The following GUCY1A2 variants were observed in gnomAD, a reference collection of about 807,000 sequenced individuals.
The protein encoded by GUCY1A2 is guanylate cyclase soluble subunit alpha-2.
A neutral mutation model predicts 63.5 loss-of-function variants in GUCY1A2; 27 were observed. The observed-to-expected ratio is 0.43, with a 90% CI of 0.31 to 0.59. GUCY1A2 has a LOEUF of 0.59. Ranked by LOEUF, GUCY1A2 falls within the 20% of genes least tolerant of loss-of-function variation. The probability of loss-of-function intolerance (pLI) is 0.11; values close to 1 mark genes in which losing one functional copy is unlikely to be tolerated. For synonymous variants in GUCY1A2, 364 were observed against 343.5 expected, an observed-to-expected ratio of 1.06 and a Z score of -0.66; for missense variants, 768 against 913.3, an observed-to-expected ratio of 0.84 and a Z score of 2.05.
intron 4 of GUCY1A2, among the ~76,000 whole-genome samples, chr11:106,818,925 A>G (rs1858865935): frequency 6.6e-6 from 1 of 152,150 alleles, no homozygotes; most frequent in South Asian, 2.1e-4. Context: ...GAGGTGAGGA[A>G]GCTGCAGAAG....
intron 4 of GUCY1A2, among the ~76,000 whole-genome samples, chr11:106,892,711 T>C (rs1859991290): frequency 6.6e-6 from 1 of 152,192 alleles, no homozygotes; most frequent in Admixed American, 6.5e-5. Context: ...TATTTCCTCC[T>C]TGTAGTAAAG....
At chr11:106,994,071 C>A (rs1475180031) in intron 1 of GUCY1A2, among the ~76,000 whole-genome samples, 1 of 152,138 alleles carries the variant, frequency 6.6e-6, no homozygotes, top group Non-Finnish European at 1.5e-5. Context: ...CTTGTGAACA[C>A]AGGTATATAT....
chr11:106,888,302 CAA>C (rs35343582), intron 4 of GUCY1A2, among the ~76,000 whole-genome samples: 3,562 of 137,898 alleles, frequency 0.026, 139 homozygotes, highest in African/African-American at 0.087. Context: ...ACTAAAAATA[CAA>C]AAAAAAAAAA....
At position 106,937,997 on chromosome 11, in the gene GUCY1A2, G is replaced by A. The variant is rs893963495; in HGVS notation, c.1206+1463C>T. On this transcript the variant is annotated intron_variant, in intron 4 of 7. Coordinates refer to ENST00000526355, the MANE Select transcript of GUCY1A2 (RefSeq NM_000855.3). ...TTGTCACCCAGGCTGGAGTGCAGTG[G>A]CATGATCTCAGCTCACTGCAGCCTC... 5.3e-5 allele frequency among the ~76,000 whole-genome samples: 8 copies of A among 152,214 alleles called. No homozygotes were observed. The East Asian group carries it at 1.5e-3, about 29-fold the overall frequency.
chr11:106,906,405 A>T (rs1461316406), intron 4 of GUCY1A2, among the ~76,000 whole-genome samples: 1 of 152,196 alleles, frequency 6.6e-6, no homozygotes, highest in Non-Finnish European at 1.5e-5. Flanking sequence ...ATCTCACACC[A>T]GTTAGAATGG....
intron 1 of GUCY1A2, among the ~76,000 whole-genome samples, chr11:107,006,829 A>ATT (rs1861677681): frequency 1.3e-5 from 2 of 152,222 alleles, no homozygotes; most frequent in Non-Finnish European, 2.9e-5. Context: ...ATTATGAAGG[A>ATT]CTGACTAACA....
At chr11:106,997,541 A>G (rs1861555166) in intron 1 of GUCY1A2, among the ~76,000 whole-genome samples, 1 of 152,120 alleles carries the variant, frequency 6.6e-6, no homozygotes, top group Admixed American at 6.6e-5. Context: ...TAAGAGGTAC[A>G]AGGCCCACAA....
intron 5 of GUCY1A2, among the ~76,000 whole-genome samples, chr11:106,804,771 G>T (rs530732330): frequency 1.3e-5 from 2 of 152,300 alleles, no homozygotes; most frequent in East Asian, 3.9e-4. Context: ...GACTTGTCCT[G>T]TGCACCCTCT....
rs944955910 is a variant in GUCY1A2 at position 106,676,886 on chromosome 11, C to A, written c.*10663G>T. 1 of 204,166 alleles carries A rather than the reference C, an allele frequency of 4.9e-6. No homozygotes were observed. The highest frequency in any genetic ancestry group is 1.0e-5 in the Non-Finnish European group (1 of 99,558). 12.6% of individuals were successfully genotyped at this position (204,166 alleles called of 1,614,324 possible). A position where few individuals can be genotyped will look rare whatever the true frequency, so the allele number is the denominator to read the frequency against. ...AGGAGATTGTCCAAACAGATTGACCCTGATACTTCTTGAAAAAGTGTTTAA... is the reference window on the plus strand; with the variant it reads ...AGGAGATTGTCCAAACAGATTGACCATGATACTTCTTGAAAAAGTGTTTAA... On this transcript the variant is annotated 3_prime_UTR_variant, in exon 8 of 8. Transcript: ENST00000526355.
intron 6 of GUCY1A2, among the ~76,000 whole-genome samples, chr11:106,709,694 C>T (rs181643100): frequency 9.1e-6 from 1 of 109,928 alleles, no homozygotes; most frequent in African/African-American, 3.9e-5. Context: ...ATTATATACA[C>T]GTATAGAATA....
intron 4 of GUCY1A2, among the ~76,000 whole-genome samples, chr11:106,828,746 G>A (rs1318448423): frequency 6.6e-6 from 1 of 152,156 alleles, no homozygotes; most frequent in East Asian, 1.9e-4. Flanking sequence ...CACCATAGAC[G>A]GCTCTGTGCC....
rs528798910 is a variant in GUCY1A2 at position 106,813,459 on chromosome 11, T to C, written c.1207-2981A>G. Among the ~76,000 whole-genome samples, 3 of 152,160 alleles carry C rather than the reference T, an allele frequency of 2.0e-5. No homozygotes were observed. In the South Asian group the frequency reaches 6.2e-4, roughly 32 times the overall value. ...GGTTTGTTGCATGTTAATGCTCAGA[T>C]AGTTCTATGAAAATATTCACCACTG... On this transcript the variant is annotated intron_variant, in intron 4 of 7. Coordinates refer to ENST00000526355, the MANE Select transcript of GUCY1A2 (RefSeq NM_000855.3).
At chr11:106,856,424 C>A (rs991595030) in intron 4 of GUCY1A2, among the ~76,000 whole-genome samples, 5 of 151,864 alleles carry the variant, frequency 3.3e-5, no homozygotes, top group African/African-American at 1.2e-4. Flanking sequence ...AAAAGATCTG[C>A]CTTTTTTTTT....
intron 1 of GUCY1A2, among the ~76,000 whole-genome samples, chr11:106,992,208 A>G (rs138417542): frequency 4.1e-4 from 62 of 152,304 alleles, no homozygotes; most frequent in African/African-American, 1.4e-3. Flanking sequence ...AATCAAGTGA[A>G]ATAATCAGAC....
At chr11:106,833,874 G>A (rs1859083939) in intron 4 of GUCY1A2, among the ~76,000 whole-genome samples, 1 of 151,964 alleles carries the variant, frequency 6.6e-6, no homozygotes, top group East Asian at 1.9e-4. Context: ...CTATGCAGTA[G>A]TCTCCGAGTG....
intron 6 of GUCY1A2, among the ~76,000 whole-genome samples, chr11:106,752,463 C>T (rs118042931): frequency 0.077 from 11,650 of 152,130 alleles, 657 homozygotes; most frequent in Non-Finnish European, 0.12. Context: ...GTGCTGCACC[C>T]ATCAACTTAT....
At chr11:106,826,243 A>G (rs1858969550) in intron 4 of GUCY1A2, 12 of 652,760 alleles carry the variant, frequency 1.8e-5, no homozygotes, top group East Asian at 3.0e-5. Flanking sequence ...CTTAGAATTT[A>G]TGTTTTTATA....
rs925526443 is a variant in GUCY1A2 at position 106,965,181 on chromosome 11, G to C, written c.487+13438C>G. 2.0e-5 allele frequency among the ~76,000 whole-genome samples: 3 copies of C among 151,998 alleles called. No homozygotes were observed. In the East Asian group the frequency reaches 5.8e-4, roughly 29 times the overall value. Reference sequence around the variant, plus strand: ...AAAATGCAACATGGTAAAAAGAGCGGTACTCCTTTCCTGTAGTTTAAAAAA... The same window carrying C: ...AAAATGCAACATGGTAAAAAGAGCGCTACTCCTTTCCTGTAGTTTAAAAAA... On this transcript the variant is annotated intron_variant, in intron 3 of 7. Coordinates refer to ENST00000526355, the MANE Select transcript of GUCY1A2 (RefSeq NM_000855.3).
At chr11:106,723,749 G>A (rs1402094056) in intron 6 of GUCY1A2, among the ~76,000 whole-genome samples, 2 of 152,166 alleles carry the variant, frequency 1.3e-5, no homozygotes, top group African/African-American at 4.8e-5. Flanking sequence ...CTTGAATCCA[G>A]GAGGCGGAGG....
Sources: allele counts gnomAD v4.1 joint callset (sites outside exome capture counted in the v4.1 genomes callset), GRCh38; gene constraint gnomAD v4.1.1; transcripts MANE v1.5; gene names NCBI Gene and HGNC (gene_info 2026-07-23, HGNC 2026-07-21).